The following BAIAP2 variants were observed in gnomAD, a reference collection of about 807,000 sequenced individuals.
BAIAP2 encodes BAR/IMD domain-containing adapter protein 2.
Under a neutral mutation model 63.0 loss-of-function variants are expected in BAIAP2, and 18 were observed. That is an observed-to-expected ratio of 0.29 (90% CI 0.20 to 0.42). The LOEUF is 0.42. Ranked by LOEUF, BAIAP2 falls within the 10% of genes least tolerant of loss-of-function variation. The pLI is 1.00. For missense variants in BAIAP2, 610 were observed against 734.3 expected (o/e 0.83, Z 1.96); for synonymous variants, 386 against 307.6 (o/e 1.25, Z -2.67).
intron 13 of BAIAP2, chr17:81,109,747 G>C: frequency 1.0e-6 from 1 of 985,456 alleles, no homozygotes; most frequent in Non-Finnish European, 1.2e-6. Flanking sequence ...GCGGGAGCAA[G>C]GTCGGGGGCA....
In BAIAP2 at chr17:81,103,502, G is replaced by A; in HGVS notation, c.643G>A (p.Gly215Ser). Residue 215 changes from glycine to serine, a missense_variant and splice_region_variant, in exon 8 of 14, where the codon GGC becomes AGC. By Grantham distance (56) the Gly-to-Ser change is moderately conservative (BLOSUM62 0). Coordinates refer to ENST00000428708, the MANE Select transcript of BAIAP2 (RefSeq NM_001144888.2). Reference sequence around the variant, plus strand: ...TCCCTTCCTGCTGCTTCCACTTCAGGGCAAGGAGCTGCTGGCGCAGAAGCT... The same window carrying A: ...TCCCTTCCTGCTGCTTCCACTTCAGAGCAAGGAGCTGCTGGCGCAGAAGCT... ...AKNSAAYHSK[G>S]KELLAQKLPL... 6.4e-7 allele frequency: 1 copy of A among 1,565,534 alleles called. No individual in the cohort carries two copies. Among genetic ancestry groups the A allele is most frequent in the Non-Finnish European group, 8.6e-7 (1 of 1,163,074 alleles).
intron 1 of BAIAP2, chr17:81,053,327 G>A (rs546790408): frequency 1.5e-5 from 4 of 269,580 alleles, no homozygotes; most frequent in Admixed American, 1.0e-4. Flanking sequence ...CGCGCCAATG[G>A]GAACGGCACC....
In BAIAP2 at chr17:81,086,495, A is replaced by T. The variant is rs1261293190; in HGVS notation, c.404A>T (p.Asp135Val). The T allele has an allele frequency of 6.2e-7, 1 of 1,614,076 alleles. No homozygotes were observed. The highest frequency in any genetic ancestry group is 8.5e-7 in the Non-Finnish European group (1 of 1,180,038). Residue 135 changes from aspartate (D) to valine (V), a missense_variant, in exon 6 of 14, where the codon GAC becomes GTC. By Grantham distance (152) the Asp-to-Val change is radical. Transcript: ENST00000428708. The part of the protein sequence containing the change: ...TEQRSKGDAL[D>V]KCQAELKKLR... ...CAAAGGAGCAAAGGCGACGCCCTGGACAAGTGTCAGGCTGAGCTGAAGAAG... is the reference window on the plus strand; with the variant it reads ...CAAAGGAGCAAAGGCGACGCCCTGGTCAAGTGTCAGGCTGAGCTGAAGAAG...
chr17:81,067,753 G>C (rs2051768054), intron 3 of BAIAP2, among the ~76,000 whole-genome samples: 1 of 152,214 alleles, frequency 6.6e-6, no homozygotes. Flanking sequence ...CACCCTCCCT[G>C]AGCGCTCACG....
At chr17:81,078,895 C>G (rs1382535554) in intron 3 of BAIAP2, among the ~76,000 whole-genome samples, 1 of 152,006 alleles carries the variant, frequency 6.6e-6, no homozygotes, top group Non-Finnish European at 1.5e-5. Context: ...CACCTTTGAG[C>G]TGTGGGGGTG....
At chr17:81,090,349 G>A (rs1339908031) in intron 6 of BAIAP2, among the ~76,000 whole-genome samples, 1 of 151,712 alleles carries the variant, frequency 6.6e-6, no homozygotes. Flanking sequence ...GGGCTCTCCT[G>A]GACGGACCTC....
At chr17:81,061,245 G>A (rs886780291) in intron 3 of BAIAP2, among the ~76,000 whole-genome samples, 1 of 152,186 alleles carries the variant, frequency 6.6e-6, no homozygotes, top group Non-Finnish European at 1.5e-5. Flanking sequence ...ACTCATGTAC[G>A]GTGTTATCTG....
intron 1 of BAIAP2, among the ~76,000 whole-genome samples, chr17:81,041,912 T>C (rs774860161): frequency 5.9e-5 from 9 of 152,124 alleles, no homozygotes; most frequent in Non-Finnish European, 1.2e-4. Context: ...ATTGAATTCA[T>C]GTGAAGTAAA....
intron 1 of BAIAP2, among the ~76,000 whole-genome samples, chr17:81,040,333 G>A (rs1284297167): frequency 2.0e-5 from 3 of 152,248 alleles, no homozygotes; most frequent in South Asian, 4.1e-4. Context: ...CACAGCCTGC[G>A]CTAAGATCCC....
intron 6 of BAIAP2, among the ~76,000 whole-genome samples, chr17:81,093,535 C>T (rs905868775): frequency 2.0e-5 from 3 of 152,090 alleles, no homozygotes; most frequent in Non-Finnish European, 4.4e-5. Context: ...GGCCCCGCAT[C>T]CCTGGGGATG....
chr17:81,070,367 C>A (rs537931167), intron 3 of BAIAP2, among the ~76,000 whole-genome samples: 2 of 152,212 alleles, frequency 1.3e-5, no homozygotes, highest in Admixed American at 1.3e-4. Context: ...AGGCAGCCTT[C>A]GGGCTGGGTA....
chr17:81,036,694 G>A (rs1227003387), intron 1 of BAIAP2, among the ~76,000 whole-genome samples: 1 of 152,258 alleles, frequency 6.6e-6, no homozygotes, highest in African/African-American at 2.4e-5. Context: ...GGTGACCTGA[G>A]GAGTCGGCTT....
At chr17:81,079,642 A>T (rs1296136244) in intron 3 of BAIAP2, among the ~76,000 whole-genome samples, 1 of 152,076 alleles carries the variant, frequency 6.6e-6, no homozygotes, top group African/African-American at 2.4e-5. Flanking sequence ...CTACATCCTG[A>T]GGCGTGGCCA....
intron 3 of BAIAP2, among the ~76,000 whole-genome samples, chr17:81,070,795 G>C (rs189578052): frequency 6.6e-5 from 10 of 152,378 alleles, no homozygotes; most frequent in African/African-American, 2.4e-4. Context: ...GACGCTGGGA[G>C]TGTGTGAGCA....
At position 81,104,303 on chromosome 17, in the gene BAIAP2, G is replaced by A. The variant is rs186192295; in HGVS notation, c.1066+195G>A. On this transcript the variant is annotated intron_variant, in intron 9 of 13. Coordinates refer to ENST00000428708, the MANE Select transcript of BAIAP2 (RefSeq NM_001144888.2). Reference sequence around the variant, plus strand: ...AGCTCCCTCTTGTCAAGCCTCTGGTGCTCAGTGGGGGCATGAGTGGGGTAC... The same window carrying A: ...AGCTCCCTCTTGTCAAGCCTCTGGTACTCAGTGGGGGCATGAGTGGGGTAC... 3.0e-3 allele frequency among the ~76,000 whole-genome samples: 457 copies of A among 152,332 alleles called. 4 individuals are homozygous for A. Among genetic ancestry groups the A allele is most frequent in the Non-Finnish European group, 1.4e-3 (94 of 68,018 alleles).
intron 6 of BAIAP2, among the ~76,000 whole-genome samples, chr17:81,090,660 G>A (rs186720581): frequency 1.1e-4 from 16 of 152,344 alleles, no homozygotes; most frequent in African/African-American, 3.4e-4. Context: ...GCCAGGCCTC[G>A]GAGCCGTCAG....
At chr17:81,109,285 G>T (rs1346807791) in intron 13 of BAIAP2, 1 of 1,264,290 alleles carries the variant, frequency 7.9e-7, no homozygotes, top group East Asian at 3.2e-5. Flanking sequence ...GGCACCCTCG[G>T]CCTCACCCTG....
chr17:81,070,060 A>C (rs994388586), intron 3 of BAIAP2, among the ~76,000 whole-genome samples: 2 of 152,118 alleles, frequency 1.3e-5, no homozygotes, highest in African/African-American at 4.8e-5. Context: ...CCTGGGCTCA[A>C]GCGATCCTCC....
intron 5 of BAIAP2, 127 bp from the exon 6 acceptor site, chr17:81,086,316 A>T: frequency 8.8e-7 from 1 of 1,131,826 alleles, no homozygotes. Context: ...CGAGCCAGGA[A>T]GGGAGTGGCA....
Sources: gnomAD v4.1 joint callset for allele counts (sites outside exome capture counted in the v4.1 genomes callset) on GRCh38, gnomAD v4.1.1 for gene constraint, MANE v1.5 for transcripts, NCBI Gene and HGNC (gene_info 2026-07-23, HGNC 2026-07-21) for gene names.